The following ST18 variants were observed in gnomAD, a reference collection of about 807,000 sequenced individuals.
ST18 encodes the protein ST18 C2H2C-type zinc finger transcription factor.
In ST18, 50 loss-of-function variants were observed where a neutral mutation model predicts 110.0. The observed-to-expected ratio is 0.45, with a 90% CI of 0.36 to 0.58. The LOEUF (loss-of-function observed/expected upper bound fraction) is 0.58, where lower values mean the gene tolerates loss of function less well. Among genes scored for constraint, ST18 ranks in the 20% least tolerant of loss-of-function variants. ST18 has a pLI of 0.00. For synonymous variants in ST18, 461 were observed against 452.4 expected, an observed-to-expected ratio of 1.02 and a Z score of -0.24; for missense variants, 1,306 against 1,280.1, an observed-to-expected ratio of 1.02 and a Z score of -0.31.
At chr8:52,116,548 T>A in intron 24 of ST18, 130 bp from the exon 25 acceptor site, 4 of 897,374 alleles carry the variant, frequency 4.5e-6, no homozygotes, top group Non-Finnish European at 6.6e-6. Context: ...GTGTAACTTC[T>A]CAGCATGAAG....
intron 2 of ST18, among the ~76,000 whole-genome samples, chr8:52,316,178 T>C (rs2096021766): frequency 6.6e-6 from 1 of 152,220 alleles, no homozygotes; most frequent in Admixed American, 6.5e-5. Context: ...TATACCAATG[T>C]TTATTAAGTT....
intron 2 of ST18, among the ~76,000 whole-genome samples, chr8:52,368,625 A>C (rs970614943): frequency 2.0e-5 from 3 of 152,218 alleles, no homozygotes; most frequent in African/African-American, 7.2e-5. Context: ...ACTGCCACAT[A>C]GTGACTCAGG....
Position 52,409,327 on chromosome 8 carries a change from C to A in ST18, c.-465+1G>T, listed in dbSNP as rs1845623736. ...ATGCATTTTACAATATTTTTTCTTA[C>A]CTTTACCTGGCGAACGTCTACAGGT... is the stretch of plus-strand genomic sequence containing the variant. On this transcript the variant is annotated splice_donor_variant, in intron 2 of 25. Transcript: ENST00000689386. LOFTEE classifies it low-confidence loss of function (5UTR_SPLICE). 1 of 152,226 alleles carries A rather than the reference C, an allele frequency of 6.6e-6. No individual in the cohort carries two copies. The allele number at this position is 152,226 out of a possible 1,614,324, so 9.4% of individuals were successfully genotyped here.
intron 2 of ST18, among the ~76,000 whole-genome samples, chr8:52,273,024 A>C (rs1253930458): frequency 1.3e-5 from 2 of 152,234 alleles, no homozygotes; most frequent in Non-Finnish European, 2.9e-5. Flanking sequence ...TGTGCACTTA[A>C]AAATCTGTTA....
At chr8:52,208,703 A>T (rs1316661611) in intron 8 of ST18, among the ~76,000 whole-genome samples, 2 of 152,216 alleles carry the variant, frequency 1.3e-5, no homozygotes, top group Non-Finnish European at 2.9e-5. Context: ...GTGCAGTCCC[A>T]GCTGCTAGGG....
intron 11 of ST18, 37 bp downstream of exon 11, chr8:52,166,815 G>A (rs771974040): frequency 6.6e-7 from 1 of 1,511,340 alleles, no homozygotes; most frequent in Non-Finnish European, 8.9e-7. Context: ...GATCTGGCGT[G>A]CATAAGCAGA....
At chr8:52,324,376 C>A (rs1240768844) in intron 2 of ST18, among the ~76,000 whole-genome samples, 2 of 151,692 alleles carry the variant, frequency 1.3e-5, no homozygotes, top group Admixed American at 1.3e-4. Context: ...GAGAGAATGA[C>A]CAGATAGAGG....
intron 9 of ST18, among the ~76,000 whole-genome samples, chr8:52,174,898 G>C (rs561619387): frequency 6.6e-6 from 1 of 152,286 alleles, no homozygotes; most frequent in Non-Finnish European, 1.5e-5. Context: ...TGGAAGCTGA[G>C]AGATCTGTGA....
At chr8:52,164,613 C>T (rs1328980515) in intron 12 of ST18, among the ~76,000 whole-genome samples, 9 of 152,118 alleles carry the variant, frequency 5.9e-5, no homozygotes, top group African/African-American at 2.2e-4. Flanking sequence ...GCATTTTCAC[C>T]CCAAATATTT....
chr8:52,195,848 A>G (rs913452867), intron 8 of ST18, among the ~76,000 whole-genome samples: 2 of 152,220 alleles, frequency 1.3e-5, no homozygotes, highest in Non-Finnish European at 1.5e-5. Context: ...ACCAAAAAAT[A>G]AAGTAAAACA....
chr8:52,214,165 G>A, intron 7 of ST18, 38 bp downstream of exon 7: 3 of 1,605,414 alleles, frequency 1.9e-6, no homozygotes, highest in Non-Finnish European at 1.7e-6. Context: ...TTCATGGTGT[G>A]GTGGGCATAG....
intron 2 of ST18, among the ~76,000 whole-genome samples, chr8:52,294,755 C>T (rs930006374): frequency 6.6e-6 from 1 of 152,204 alleles, no homozygotes; most frequent in Non-Finnish European, 1.5e-5. Flanking sequence ...TCAGGAGCAC[C>T]ATAAAATTTG....
chr8:52,180,352 C>T lies in ST18; in HGVS notation c.87-40G>A, dbSNP rs769347641. ...GAAAATTAAGAATATGGTAAATTAG[C>T]ATTTACTGCTGTTTGGCATTTAACT... is the stretch of plus-strand genomic sequence containing the variant. On this transcript the variant is annotated intron_variant, in intron 8 of 25. Coordinates refer to ENST00000689386, the MANE Select transcript of ST18 (RefSeq NM_001352837.2). 3.8e-6 allele frequency: 6 copies of T among 1,598,666 alleles called. No individual in the cohort carries two copies. The Admixed American group carries it at 1.0e-4, about 27-fold the overall frequency.
At chr8:52,138,108 A>G (rs1444716115) in intron 17 of ST18, among the ~76,000 whole-genome samples, 4 of 151,450 alleles carry the variant, frequency 2.6e-5, no homozygotes, top group South Asian at 4.1e-4. Flanking sequence ...AAAAAAAAAA[A>G]AAAGAAAAGA....
intron 17 of ST18, among the ~76,000 whole-genome samples, chr8:52,141,185 G>T (rs1278126322): frequency 6.6e-6 from 1 of 152,210 alleles, no homozygotes; most frequent in Non-Finnish European, 1.5e-5. Flanking sequence ...AGAATGCAAA[G>T]TCTAAGCTTA....
At chr8:52,321,624 C>T (rs911015013) in intron 2 of ST18, among the ~76,000 whole-genome samples, 7 of 152,168 alleles carry the variant, frequency 4.6e-5, no homozygotes, top group African/African-American at 1.7e-4. Context: ...AAGCACTGAG[C>T]TTATATTCAT....
intron 8 of ST18, among the ~76,000 whole-genome samples, chr8:52,208,773 G>C (rs991270913): frequency 6.6e-6 from 1 of 152,148 alleles, no homozygotes; most frequent in Non-Finnish European, 1.5e-5. Flanking sequence ...AGCCCAGATC[G>C]CGCCACTGCA....
intron 2 of ST18, among the ~76,000 whole-genome samples, chr8:52,344,353 ATGTCC>A (rs1296023721): frequency 6.6e-6 from 1 of 152,102 alleles, no homozygotes; most frequent in African/African-American, 2.4e-5. Context: ...AAAGTGTCTT[ATGTCC>A]CTGATGAAAT....
intron 9 of ST18, among the ~76,000 whole-genome samples, chr8:52,173,770 T>G (rs2065872074): frequency 6.6e-6 from 1 of 152,194 alleles, no homozygotes; most frequent in Non-Finnish European, 1.5e-5. Context: ...CATTCAAGAC[T>G]GTTAAAGACA....
Sources: gnomAD v4.1 joint callset for allele counts (sites outside exome capture counted in the v4.1 genomes callset) on GRCh38, gnomAD v4.1.1 for gene constraint, MANE v1.5 for transcripts, NCBI Gene and HGNC (gene_info 2026-07-23, HGNC 2026-07-21) for gene names.